The following CEP41 variants were observed in gnomAD, a reference collection of about 807,000 sequenced individuals.
CEP41 encodes the protein centrosomal protein of 41 kDa.
CEP41 carries 32 observed loss-of-function variants against 44.3 expected under a neutral mutation model. The observed-to-expected ratio is 0.72, with a 90% CI of 0.54 to 0.97. The LOEUF (loss-of-function observed/expected upper bound fraction) is 0.97. CEP41 is among the 50% of genes least tolerant of loss of function. CEP41 has a pLI of 0.00. For missense variants in CEP41, 432 were observed against 455.2 expected (o/e 0.95, Z 0.46); for synonymous variants, 151 against 168.5 (o/e 0.90, Z 0.80).
upstream of CEP41, chr7:130,441,305 T>G (rs1798160932): frequency 6.4e-6 from 3 of 467,210 alleles, no homozygotes; most frequent in Non-Finnish European, 1.2e-5. Context: ...GCGGGGGCAG[T>G]GGCTTGAGAG....
intron 5 of CEP41, among the ~76,000 whole-genome samples, chr7:130,407,051 T>C (rs1671734555): frequency 1.3e-5 from 2 of 151,956 alleles, no homozygotes. Flanking sequence ...TAAAAATGTA[T>C]AAATCCTTTA....
At chr7:130,441,085 T>C, upstream of CEP41, 3 of 1,205,096 alleles carry the variant, frequency 2.5e-6, no homozygotes, top group Non-Finnish European at 3.6e-6. Context: ...GATTGGCCCG[T>C]CTTCCCCGGC....
chr7:130,432,362 C>T (rs1372103384), intron 1 of CEP41, among the ~76,000 whole-genome samples: 1 of 151,878 alleles, frequency 6.6e-6, no homozygotes, highest in African/African-American at 2.4e-5. Flanking sequence ...GACAGTGATA[C>T]CATTCTCCAA....
chr7:130,421,806 A>G, intron 2 of CEP41: 1 of 1,317,676 alleles, frequency 7.6e-7, no homozygotes, highest in Non-Finnish European at 9.6e-7. Context: ...GGACTAATAA[A>G]GGGAGAGCCC....
chr7:130,428,479 T>C (rs1184566608), intron 1 of CEP41, among the ~76,000 whole-genome samples: 1 of 145,482 alleles, frequency 6.9e-6, no homozygotes, highest in Non-Finnish European at 1.5e-5. Context: ...AGAGGTCCAA[T>C]TGTCTTTTCA....
rs1363569233 is a variant in CEP41 at position 130,395,402 on chromosome 7, T to C, written c.*3489A>G. On this transcript the variant is annotated 3_prime_UTR_variant, in exon 11 of 11. Coordinates refer to ENST00000223208, the MANE Select transcript of CEP41 (RefSeq NM_018718.3). ...CGTGGGAGTTAAATCTTTGAAAGAA[T>C]TGGGAAGAAAATAAACACACATTAA... is the stretch of plus-strand genomic sequence containing the variant. 1.5e-5 allele frequency: 7 copies of C among 453,892 alleles called. No individual in the cohort carries two copies. Among genetic ancestry groups the C allele is most frequent in the South Asian group, 3.1e-5 (2 of 64,472 alleles). 28.1% of individuals were successfully genotyped at this position (453,892 alleles called of 1,614,324 possible).
intron 5 of CEP41, among the ~76,000 whole-genome samples, chr7:130,409,562 C>A (rs1356814040): frequency 6.6e-6 from 1 of 152,166 alleles, no homozygotes; most frequent in Non-Finnish European, 1.5e-5. Flanking sequence ...AGGGAAATGA[C>A]AGTTGAGTTG....
At chr7:130,425,808 C>A (rs1554423312) in intron 2 of CEP41, among the ~76,000 whole-genome samples, 1 of 152,148 alleles carries the variant, frequency 6.6e-6, no homozygotes, top group Non-Finnish European at 1.5e-5. Flanking sequence ...GGAATACCAG[C>A]CATTAATAAA....
At chr7:130,402,869 T>A (rs1284538151) in intron 6 of CEP41, 70 bp from the exon 7 acceptor site, 2 of 1,493,088 alleles carry the variant, frequency 1.3e-6, no homozygotes, top group Non-Finnish European at 1.9e-6. Flanking sequence ...ACGTGTCTCT[T>A]CAGAATAGTG....
At position 130,406,832 on chromosome 7, in the gene CEP41, C is replaced by T. The variant is rs117660076; in HGVS notation, c.278-2124G>A. On this transcript the variant is annotated intron_variant, in intron 5 of 10. Transcript: ENST00000223208. Reference sequence around the variant, plus strand: ...TAAAATATACTCTCCGGTGGGGGGACGGGGGAGGGAAAGCATTAGGAGATA... The same window carrying T: ...TAAAATATACTCTCCGGTGGGGGGATGGGGGAGGGAAAGCATTAGGAGATA... Among the ~76,000 whole-genome samples, 126 of 146,860 alleles carry T rather than the reference C, an allele frequency of 8.6e-4. 1 individual carries two copies. The East Asian group carries it at 0.022, about 26-fold the overall frequency.
intron 2 of CEP41, among the ~76,000 whole-genome samples, chr7:130,424,669 T>TA (rs537076805): frequency 1.5e-3 from 226 of 152,130 alleles, no homozygotes; most frequent in Non-Finnish European, 2.7e-3. Context: ...AGCAAAAACT[T>TA]AGTCTTGATG....
intron 2 of CEP41, chr7:130,421,283 G>A (rs1797500371): frequency 1.0e-6 from 1 of 985,310 alleles, no homozygotes; most frequent in Admixed American, 6.1e-5. Context: ...AAGTAGATGA[G>A]ATTTATAAGG....
At chr7:130,407,924 A>C (rs1797062968) in intron 5 of CEP41, among the ~76,000 whole-genome samples, 1 of 152,228 alleles carries the variant, frequency 6.6e-6, no homozygotes, top group Non-Finnish European at 1.5e-5. Context: ...TGAATTAAGA[A>C]GGTTAATATA....
At chr7:130,412,754 T>C (rs1159746787) in intron 3 of CEP41, among the ~76,000 whole-genome samples, 1 of 152,202 alleles carries the variant, frequency 6.6e-6, no homozygotes, top group Non-Finnish European at 1.5e-5. Context: ...TTACACACTA[T>C]GCTGAAGCCA....
At chr7:130,407,364 G>A (rs782626874) in intron 5 of CEP41, among the ~76,000 whole-genome samples, 2 of 151,488 alleles carry the variant, frequency 1.3e-5, no homozygotes, top group Non-Finnish European at 2.9e-5. Context: ...ATACCCATGG[G>A]TTTTTGATGT....
intron 9 of CEP41, 187 bp from the exon 10 acceptor site, chr7:130,400,441 A>T: frequency 1.5e-6 from 1 of 650,314 alleles, no homozygotes; most frequent in South Asian, 1.8e-5. Context: ...GTTACATGGG[A>T]TTCTGAGAAT....
At chr7:130,403,248 A>G (rs190162511) in intron 6 of CEP41, among the ~76,000 whole-genome samples, 1 of 152,364 alleles carries the variant, frequency 6.6e-6, no homozygotes, top group Admixed American at 6.5e-5. Context: ...TGCTTTATAT[A>G]TTTCATATAC....
chr7:130,400,726 G>A lies in CEP41; in HGVS notation c.738C>T (p.Asn246=), dbSNP rs782538135. Residue 246 remains asparagine (N), a synonymous_variant, in exon 9 of 11, where the codon AAC becomes AAT. Transcript: ENST00000223208. Reference sequence around the variant, plus strand: ...GCTCACCTCCGGAAAGCATGAAGAGGTTTTCAAATCCACGCTCGCACATGG... The same window carrying A: ...GCTCACCTCCGGAAAGCATGAAGAGATTTTCAAATCCACGCTCGCACATGG... The part of the protein sequence containing the change: ...ATTMCERGFE[N]LFMLSGGLKV... The A allele has an allele frequency of 2.5e-6, 4 of 1,612,148 alleles. No homozygotes were observed. The Admixed American group carries it at 5.0e-5, about 20-fold the overall frequency.
chr7:130,430,425 C>T (rs1482551920), intron 1 of CEP41, among the ~76,000 whole-genome samples: 1 of 152,162 alleles, frequency 6.6e-6, no homozygotes, highest in Non-Finnish European at 1.5e-5. Flanking sequence ...TGTTTGGAAC[C>T]ACTGAGCTAT....
Sources: allele counts gnomAD v4.1 joint callset (sites outside exome capture counted in the v4.1 genomes callset), GRCh38; gene constraint gnomAD v4.1.1; transcripts MANE v1.5; gene names NCBI Gene and HGNC (gene_info 2026-07-23, HGNC 2026-07-21).